ZNF169: variants seen among roughly 807,000 people sequenced by gnomAD.
ZNF169 encodes zinc finger protein 169.
ZNF169 carries 11 observed loss-of-function variants against 12.0 expected under a neutral mutation model. The observed-to-expected ratio is 0.92, with a 90% CI of 0.58 to 1.52. The LOEUF (loss-of-function observed/expected upper bound fraction) is 1.52, where lower values mean the gene tolerates loss of function less well. Ranked by LOEUF, ZNF169 falls within the 40% of genes most tolerant of loss-of-function variation. The pLI, the probability that ZNF169 is intolerant of heterozygous loss-of-function variation, is 0.00. For synonymous variants in ZNF169, 302 were observed against 286.5 expected (o/e 1.05, Z -0.55); for missense variants, 722 against 744.0 (o/e 0.97, Z 0.34).
chr9:94,299,464 T>G (rs2118670823), intron 4 of ZNF169: 1 of 1,070,560 alleles, frequency 9.3e-7, no homozygotes, highest in Non-Finnish European at 1.2e-6. Context: ...CACCAAGTTC[T>G]TGGCTCTTGC....
intron 1 of ZNF169, among the ~76,000 whole-genome samples, chr9:94,260,096 T>G: frequency 6.7e-6 from 1 of 149,774 alleles, no homozygotes; most frequent in Non-Finnish European, 1.5e-5. Context: ...GTTTTTGTTT[T>G]GTTTTGTTTT....
rs374312020 is a variant in ZNF169, at chr9:94,301,082, C to A, written c.1524C>A (p.His508Gln). Residue 508 changes from histidine to glutamine, a missense_variant, in exon 5 of 5, where the codon CAC becomes CAA. By Grantham distance (24) the His-to-Gln change is conservative. Coordinates refer to ENST00000395395, the MANE Select transcript of ZNF169 (RefSeq NM_194320.4). ...KSLLTRHQRTHSEEELYVDRV... is the reference protein window; with the variant it reads ...KSLLTRHQRTQSEEELYVDRV... ...TCCTCACCCGACACCAGAGGACACA[C>A]TCAGAGGAGGAGCTTTACGTAGACA... 3 of 1,613,972 alleles carry A rather than the reference C, an allele frequency of 1.9e-6. No individual in the cohort carries two copies. Among genetic ancestry groups the A allele is most frequent in the Non-Finnish European group, 2.5e-6 (3 of 1,180,032 alleles).
At chr9:94,273,858 C>T (rs910730907) in intron 1 of ZNF169, among the ~76,000 whole-genome samples, 36 of 152,152 alleles carry the variant, frequency 2.4e-4, no homozygotes, top group African/African-American at 7.5e-4. Flanking sequence ...GGATTACAGG[C>T]GTGAGCCACT....
intron 2 of ZNF169, among the ~76,000 whole-genome samples, chr9:94,281,950 G>T (rs1830647155): frequency 1.3e-5 from 2 of 152,142 alleles, no homozygotes; most frequent in Admixed American, 1.3e-4. Flanking sequence ...CTAAAAGGGT[G>T]CCTGGCTCTT....
intron 4 of ZNF169, 51 bp downstream of exon 4, chr9:94,293,120 GC>G (rs755372743): frequency 1.5e-5 from 23 of 1,519,118 alleles, no homozygotes; most frequent in Non-Finnish European, 1.9e-5. Flanking sequence ...GAGGAGCTCA[GC>G]AGGTAAGGAA....
intron 4 of ZNF169, 28 bp downstream of exon 4, chr9:94,293,097 G>C: frequency 6.3e-7 from 1 of 1,589,808 alleles, no homozygotes. Flanking sequence ...GGCAAGCGAG[G>C]GTGCAGGGCA....
chr9:94,278,618 G>C (rs1249752285), intron 1 of ZNF169, 140 bp from the exon 2 acceptor site: 5 of 505,000 alleles, frequency 9.9e-6, no homozygotes, highest in Non-Finnish European at 1.7e-5. Flanking sequence ...CACTGGCTAA[G>C]AATGGGCTTC....
At chr9:94,276,678 C>T (rs975978078) in intron 1 of ZNF169, among the ~76,000 whole-genome samples, 1 of 152,260 alleles carries the variant, frequency 6.6e-6, no homozygotes, top group Admixed American at 6.5e-5. Context: ...CGTGATCCAT[C>T]GCACCAGGCC....
In ZNF169 at chr9:94,278,675, C is replaced by T. The variant is rs1051057635; in HGVS notation, c.-55-83C>T. On this transcript the variant is annotated intron_variant, in intron 1 of 4. Coordinates refer to ENST00000395395, the MANE Select transcript of ZNF169 (RefSeq NM_194320.4). ...TCTTTGTTGCTTCCCTGTTCCTCTA[C>T]TCCCTACTGAATTGGGAGGCTGGAC... The T allele has an allele frequency of 7.3e-5, 52 of 712,424 alleles. No individual in the cohort carries two copies. In the Admixed American group the frequency reaches 1.3e-3, roughly 18 times the overall value. 44.1% of individuals were successfully genotyped at this position (712,424 alleles called of 1,614,324 possible).
At chr9:94,293,426 AT>A (rs1310235440) in intron 4 of ZNF169, 137 of 569,404 alleles carry the variant, frequency 2.4e-4, no homozygotes, top group Middle Eastern at 9.5e-4. Context: ...TTTTATTTTT[AT>A]TTTTTTTGAG....
chr9:94,288,908 G>A (rs1830772776), intron 2 of ZNF169, among the ~76,000 whole-genome samples: 1 of 152,252 alleles, frequency 6.6e-6, no homozygotes, highest in East Asian at 1.9e-4. Flanking sequence ...GAAGAACATG[G>A]TAAGGAAGAC....
intron 1 of ZNF169, among the ~76,000 whole-genome samples, chr9:94,272,991 C>G (rs1176547728): frequency 6.6e-6 from 1 of 152,052 alleles, no homozygotes; most frequent in Non-Finnish European, 1.5e-5. Context: ...TGTTGAACAT[C>G]TTTTCATATG....
In ZNF169 at chr9:94,300,320, G is replaced by T; in HGVS notation, c.762G>T (p.Arg254Ser). The change falls in exon 5 of 5, where the codon AGG becomes AGT. Residue 254 changes from arginine to serine, a missense_variant. Transcript: ENST00000395395. ...CQRSDLIKHQ[R>S]THTGEKPYLC... Reference sequence around the variant, plus strand: ...GATCAGACCTTATCAAGCACCAGAGGACACACACCGGGGAGAAGCCATACC... The same window carrying T: ...GATCAGACCTTATCAAGCACCAGAGTACACACACCGGGGAGAAGCCATACC... 1.2e-6 allele frequency: 2 copies of T among 1,614,098 alleles called. No homozygotes were observed. Among genetic ancestry groups the T allele is most frequent in the Non-Finnish European group, 1.7e-6 (2 of 1,180,012 alleles).
chr9:94,299,703 T>C (rs722353), intron 4 of ZNF169, 112 bp from the exon 5 acceptor site: 272,738 of 1,478,238 alleles, frequency 0.18, 26,867 homozygotes, highest in African/African-American at 0.34. Flanking sequence ...TAATGTGCCC[T>C]TGTGGGTTGG....
chr9:94,259,993 A>T (rs922559677), intron 1 of ZNF169, among the ~76,000 whole-genome samples: 1 of 150,060 alleles, frequency 6.7e-6, no homozygotes, highest in Non-Finnish European at 1.5e-5. Flanking sequence ...TCCGCGCCCC[A>T]CCCCAGCCGC....
chr9:94,294,778 G>A (rs1830918168), intron 4 of ZNF169: 1 of 151,950 alleles, frequency 6.6e-6, no homozygotes, highest in Admixed American at 6.6e-5. Context: ...CTTTTCAATG[G>A]GTCTATTCTT....
intron 1 of ZNF169, among the ~76,000 whole-genome samples, chr9:94,275,837 A>G (rs1292659775): frequency 6.8e-6 from 1 of 147,272 alleles, no homozygotes; most frequent in Non-Finnish European, 1.5e-5. Context: ...GCTGGAGTGC[A>G]GTGGTGCTAT....
chr9:94,291,034 A>G (rs916124641), intron 2 of ZNF169, among the ~76,000 whole-genome samples: 30 of 140,652 alleles, frequency 2.1e-4, no homozygotes, highest in African/African-American at 6.3e-4. Flanking sequence ...ATTCTGGTCT[A>G]TGGAACAGTA....
At chr9:94,262,714 C>T (rs1830226345) in intron 1 of ZNF169, among the ~76,000 whole-genome samples, 1 of 152,116 alleles carries the variant, frequency 6.6e-6, no homozygotes, top group South Asian at 2.1e-4. Context: ...CTGCCTCGGC[C>T]TCCCAAAGTG....
Sources: gnomAD v4.1 joint callset for allele counts (sites outside exome capture counted in the v4.1 genomes callset) on GRCh38, gnomAD v4.1.1 for gene constraint, MANE v1.5 for transcripts, NCBI Gene and HGNC (gene_info 2026-07-23, HGNC 2026-07-21) for gene names.